The following NAALADL2 variants were observed in gnomAD, a reference collection of about 807,000 sequenced individuals.
NAALADL2 encodes the protein inactive N-acetylated-alpha-linked acidic dipeptidase-like protein 2.
A neutral mutation model predicts 87.2 loss-of-function variants in NAALADL2; 76 were observed. That is an observed-to-expected ratio of 0.87 (90% CI 0.72 to 1.05). The LOEUF (loss-of-function observed/expected upper bound fraction) is 1.05, where lower values mean the gene tolerates loss of function less well. NAALADL2 is among the 50% of genes least tolerant of loss of function. The pLI, the probability that NAALADL2 is intolerant of heterozygous loss-of-function variation, is 0.00. For missense variants in NAALADL2, 1,089 were observed against 945.8 expected, an observed-to-expected ratio of 1.15 and a Z score of -1.99; for synonymous variants, 354 against 331.0, an observed-to-expected ratio of 1.07 and a Z score of -0.75.
chr3:175,167,761 C>G (rs1734199929), intron 2 of NAALADL2, among the ~76,000 whole-genome samples: 1 of 152,020 alleles, frequency 6.6e-6, no homozygotes, highest in Non-Finnish European at 1.5e-5. Flanking sequence ...TTTTAGGTTT[C>G]AGTTAAAAAA....
intron 1 of NAALADL2, among the ~76,000 whole-genome samples, chr3:174,507,095 T>A (rs1043735535): frequency 6.6e-6 from 1 of 152,234 alleles, no homozygotes; most frequent in Non-Finnish European, 1.5e-5. Flanking sequence ...GTTATAAGAT[T>A]AATTATTTAA....
rs185595794 is a variant in NAALADL2, at chr3:175,698,443, G to C, written c.1897-38863G>C. Among the ~76,000 whole-genome samples the C allele has an allele frequency of 2.3e-4, 30 of 129,550 alleles. 3 individuals are homozygous for C. The East Asian group carries it at 6.0e-3, about 26-fold the overall frequency. 85.0% of individuals were successfully genotyped at this position (129,550 alleles called of 152,430 possible). A position where few individuals can be genotyped will look rare whatever the true frequency, so the allele number is the denominator to read the frequency against. On this transcript the variant is annotated intron_variant, in intron 11 of 13. Transcript: ENST00000454872. ...TACATATGTATGTGTATATATTTAT[G>C]TATGTATACATATATGTGTATATAT...
At chr3:174,456,570 A>G (rs1054451157) in intron 1 of NAALADL2, among the ~76,000 whole-genome samples, 1 of 152,066 alleles carries the variant, frequency 6.6e-6, no homozygotes, top group African/African-American at 2.4e-5. Context: ...ACATACCTAC[A>G]ATCACCTGAT....
intron 5 of NAALADL2, among the ~76,000 whole-genome samples, chr3:175,414,315 A>G (rs1445753632): frequency 6.6e-6 from 1 of 152,156 alleles, no homozygotes; most frequent in African/African-American, 2.4e-5. Context: ...TTAGATGCTC[A>G]TGTATTTTTA....
intron 2 of NAALADL2, among the ~76,000 whole-genome samples, chr3:174,653,961 C>T (rs1331075988): frequency 6.6e-6 from 1 of 151,922 alleles, no homozygotes; most frequent in African/African-American, 2.4e-5. Flanking sequence ...ATATTTTCTA[C>T]TCACTTATTT....
chr3:175,473,214 C>G (rs2149297746), intron 9 of NAALADL2, among the ~76,000 whole-genome samples: 1 of 152,054 alleles, frequency 6.6e-6, no homozygotes, highest in South Asian at 2.1e-4. Context: ...GTATCTAAAC[C>G]TAATTATGTG....
At chr3:174,733,532 T>C (rs1452417340) in intron 2 of NAALADL2, among the ~76,000 whole-genome samples, 1 of 152,224 alleles carries the variant, frequency 6.6e-6, no homozygotes, top group Non-Finnish European at 1.5e-5. Context: ...AAGAGCCCCA[T>C]GTGGCTTAGC....
At chr3:174,610,834 T>C (rs1719759099) in intron 2 of NAALADL2, among the ~76,000 whole-genome samples, 1 of 152,168 alleles carries the variant, frequency 6.6e-6, no homozygotes, top group Non-Finnish European at 1.5e-5. Flanking sequence ...CAAAGGACTA[T>C]AAATCATGCT....
chr3:175,135,368 T>C (rs1375539546), intron 2 of NAALADL2, among the ~76,000 whole-genome samples: 1 of 152,174 alleles, frequency 6.6e-6, no homozygotes, highest in Non-Finnish European at 1.5e-5. Context: ...GTAATAAAAA[T>C]ATCCTTGTAT....
intron 9 of NAALADL2, among the ~76,000 whole-genome samples, chr3:175,563,505 T>A (rs1716617865): frequency 6.6e-6 from 1 of 152,210 alleles, no homozygotes. Flanking sequence ...GGTCTAAGCC[T>A]ACTCTAAACT....
At chr3:175,781,554 T>C (rs955844724) in intron 13 of NAALADL2, among the ~76,000 whole-genome samples, 4 of 151,982 alleles carry the variant, frequency 2.6e-5, no homozygotes, top group African/African-American at 9.7e-5. Context: ...TATGATACAT[T>C]GAATTGTTAT....
At position 174,506,803 on chromosome 3, in the gene NAALADL2, C is replaced by G. The variant is rs961706413; in HGVS notation, c.-183-43766C>G. ...TTGTTTTATTTATTGACGTTGAATA[C>G]ATTTTGAAATTTTTAGTAGCCATTG... On this transcript the variant is annotated intron_variant, in intron 1 of 3. Coordinates refer to the NAALADL2 transcript ENST00000434257. Among the ~76,000 whole-genome samples the G allele has an allele frequency of 2.0e-5, 3 of 152,032 alleles. No homozygotes were observed. In the East Asian group the frequency reaches 5.8e-4, roughly 29 times the overall value.
intron 2 of NAALADL2, among the ~76,000 whole-genome samples, chr3:174,554,424 CT>C (rs1386689271): frequency 1.3e-5 from 2 of 151,854 alleles, no homozygotes; most frequent in African/African-American, 4.8e-5. Context: ...ACCCCTTTCT[CT>C]TTTTCTTCCC....
At chr3:174,894,490 A>G (rs1731244887) in intron 1 of NAALADL2, among the ~76,000 whole-genome samples, 1 of 151,286 alleles carries the variant, frequency 6.6e-6, no homozygotes, top group Non-Finnish European at 1.5e-5. Flanking sequence ...GACACTTGGG[A>G]GGCTGAGGCA....
intron 5 of NAALADL2, among the ~76,000 whole-genome samples, chr3:175,338,634 CA>C (rs1762264367): frequency 7.7e-6 from 1 of 130,266 alleles, no homozygotes; most frequent in Non-Finnish European, 1.6e-5. Flanking sequence ...CACACACACA[CA>C]CACACACACA....
chr3:175,199,844 ATATATATATATATATATAT>A (rs1739627921), intron 2 of NAALADL2, among the ~76,000 whole-genome samples: 3 of 15,830 alleles, frequency 1.9e-4, no homozygotes, highest in African/African-American at 8.7e-4. Flanking sequence ...ATATATATAT[ATATATATATATATATATAT>A]ATTTTTTTTT....
At chr3:175,648,458 T>C (rs1333184759) in intron 11 of NAALADL2, among the ~76,000 whole-genome samples, 1 of 151,780 alleles carries the variant, frequency 6.6e-6, no homozygotes, top group Non-Finnish European at 1.5e-5. Flanking sequence ...TTGGCAATGA[T>C]TCAAGTGAAG....
chr3:175,379,844 T>G (rs191885972), intron 5 of NAALADL2, among the ~76,000 whole-genome samples: 5 of 152,294 alleles, frequency 3.3e-5, no homozygotes, highest in African/African-American at 9.6e-5. Flanking sequence ...GTACCAAGAA[T>G]TAAATTTTGT....
intron 6 of NAALADL2, among the ~76,000 whole-genome samples, chr3:175,447,798 C>T (rs895930568): frequency 1.3e-5 from 2 of 152,136 alleles, no homozygotes; most frequent in Admixed American, 6.5e-5. Context: ...ACTAAAAAAT[C>T]CCTCTGTCTA....
Sources: allele counts gnomAD v4.1 joint callset (sites outside exome capture counted in the v4.1 genomes callset), GRCh38; gene constraint gnomAD v4.1.1; transcripts MANE v1.5; gene names NCBI Gene and HGNC (gene_info 2026-07-23, HGNC 2026-07-21).